MRPL58: variants seen among roughly 807,000 people sequenced by gnomAD.
MRPL58 encodes the protein large ribosomal subunit protein mL62.
In MRPL58, 17 loss-of-function variants were observed where a neutral mutation model predicts 26.0. That is an observed-to-expected ratio of 0.65 (90% CI 0.45 to 0.98). The LOEUF (loss-of-function observed/expected upper bound fraction) is 0.98, where lower values mean the gene tolerates loss of function less well. Ranked by LOEUF, MRPL58 falls within the 50% of genes least tolerant of loss-of-function variation. The probability of loss-of-function intolerance (pLI) is 0.00; values close to 1 mark genes in which losing one functional copy is unlikely to be tolerated. For synonymous variants in MRPL58, 100 were observed against 99.7 expected (o/e 1.00, Z -0.02); for missense variants, 250 against 269.0 (o/e 0.93, Z 0.49).
At chr17:75,014,958 AG>A (rs2039962672) in intron 1 of MRPL58, among the ~76,000 whole-genome samples, 1 of 152,246 alleles carries the variant, frequency 6.6e-6, no homozygotes, top group South Asian at 2.1e-4. Context: ...AGGAGCAGAC[AG>A]TAAACAAATA....
chr17:75,020,622 G>C lies in MRPL58; in HGVS notation c.501G>C (p.Glu167Asp), dbSNP rs770037153. 6.2e-7 allele frequency: 1 copy of C among 1,614,042 alleles called. No homozygotes were observed. The highest frequency in any genetic ancestry group is 1.3e-5 in the African/African-American group (1 of 74,910). The change falls in exon 5 of 6, where the codon GAG becomes GAC. Residue 167 changes from glutamate (E) to aspartate (D), a missense_variant. By Grantham distance (45) the Glu-to-Asp change is conservative. Coordinates refer to ENST00000301585, the MANE Select transcript of MRPL58 (RefSeq NM_001545.3). The stretch of plus-strand genomic sequence containing the variant: ...CTGAGGCCAGCCAGACACCGAAGGA[G>C]CCAACAAAAGAAGATGTTAAACTTC... ...MITEASQTPK[E>D]PTKEDVKLHR... is the part of the protein sequence containing the mutation.
Position 75,020,587 on chromosome 17 carries a change from G to T in MRPL58, c.466G>T (p.Asp156Tyr). ...GGCAGATTGCCTGCAGAAAATTCGAGACATGATCACTGAGGCCAGCCAGAC... is the reference window on the plus strand; with the variant it reads ...GGCAGATTGCCTGCAGAAAATTCGATACATGATCACTGAGGCCAGCCAGAC... ...NLADCLQKIR[D>Y]MITEASQTPK... The change falls in exon 5 of 6, where the codon GAC (aspartate) becomes TAC (tyrosine). Residue 156 changes from aspartate (D) to tyrosine (Y), a missense_variant. Transcript: ENST00000301585. 6.2e-7 allele frequency: 1 copy of T among 1,614,120 alleles called. No homozygotes were observed. The highest frequency in any genetic ancestry group is 8.5e-7 in the Non-Finnish European group (1 of 1,180,026).
At chr17:75,015,048 T>G (rs2039963178) in intron 1 of MRPL58, among the ~76,000 whole-genome samples, 2 of 152,098 alleles carry the variant, frequency 1.3e-5, no homozygotes, top group Non-Finnish European at 2.9e-5. Flanking sequence ...TACCTCAGAT[T>G]ATTAGTAAGG....
intron 5 of MRPL58, 63 bp from the exon 6 acceptor site, chr17:75,020,858 T>C (rs2040012312): frequency 7.1e-7 from 1 of 1,408,616 alleles, no homozygotes; most frequent in Non-Finnish European, 1.0e-6. Flanking sequence ...TCCCAACTCC[T>C]CTCACCACTT....
At chr17:75,020,795 C>T (rs939335196) in intron 5 of MRPL58, 126 bp from the exon 6 acceptor site, 16 of 1,215,446 alleles carry the variant, frequency 1.3e-5, no homozygotes, top group East Asian at 7.0e-5. Flanking sequence ...GACCTGGGAC[C>T]GAGGCCTGCG....
Position 75,012,822 on chromosome 17 carries a change from G to C in MRPL58, c.136G>C (p.Asp46His), listed in dbSNP as rs762091471. ...TGAGTTCAAGAGCATCTACAGCCTG[G>C]ACAAGCTCTACCCCGAATCTCAGGG... ...GTEFKSIYSL[D>H]KLYPESQGSD... is the part of the protein sequence containing the mutation. Residue 46 changes from aspartate to histidine, a missense_variant, in exon 1 of 6, where the codon GAC becomes CAC. By Grantham distance (81) the Asp-to-His change is moderately conservative. Transcript: ENST00000301585. 5 of 1,612,670 alleles carry C rather than the reference G, an allele frequency of 3.1e-6. No individual in the cohort carries two copies. The highest frequency in any genetic ancestry group is 3.4e-6 in the Non-Finnish European group (4 of 1,179,678).
intron 1 of MRPL58, among the ~76,000 whole-genome samples, chr17:75,013,737 G>A (rs1304940527): frequency 1.3e-5 from 2 of 152,168 alleles, no homozygotes; most frequent in African/African-American, 4.8e-5. Flanking sequence ...AATAGGGGGC[G>A]GATGAGCATC....
chr17:75,015,344 C>T (rs1415070686), intron 1 of MRPL58, among the ~76,000 whole-genome samples: 2 of 152,100 alleles, frequency 1.3e-5, no homozygotes, highest in East Asian at 3.9e-4. Flanking sequence ...ATTAGTCGGG[C>T]GTGGTGGCAC....
At position 75,017,066 on chromosome 17, in the gene MRPL58, A is replaced by T; in HGVS notation, c.187-12A>T. ...GTAATATTTATTTGACACTGTGTAC[A>T]TTACATTACAGAATGGTGCAAAGCA... On this transcript the variant is annotated splice_polypyrimidine_tract_variant and intron_variant, in intron 1 of 5. Coordinates refer to ENST00000301585, the MANE Select transcript of MRPL58 (RefSeq NM_001545.3). The T allele has an allele frequency of 6.2e-7, 1 of 1,607,788 alleles. No individual in the cohort carries two copies. The highest frequency in any genetic ancestry group is 8.5e-7 in the Non-Finnish European group (1 of 1,174,136).
At position 75,021,063 on chromosome 17, in the gene MRPL58, G is replaced by A; in HGVS notation, c.*58G>A. Reference sequence around the variant, plus strand: ...GGCGTCCGGGCAGCTGCAGCTGAGAGGACTTTCACACCATAAGGAGATTTC... The same window carrying A: ...GGCGTCCGGGCAGCTGCAGCTGAGAAGACTTTCACACCATAAGGAGATTTC... On this transcript the variant is annotated 3_prime_UTR_variant, in exon 6 of 6. Transcript: ENST00000301585. 9.2e-7 allele frequency: 1 copy of A among 1,081,250 alleles called. No individual in the cohort carries two copies. Among genetic ancestry groups the A allele is most frequent in the Non-Finnish European group, 1.4e-6 (1 of 694,414 alleles). The allele number at this position is 1,081,250 out of a possible 1,614,324, so 67.0% of individuals were successfully genotyped here. A position where few individuals can be genotyped will look rare whatever the true frequency, so the allele number is the denominator to read the frequency against.
Position 75,014,178 on chromosome 17 carries a change from CCT to C in MRPL58, c.186+1307_186+1308del, listed in dbSNP as rs768152470. 8.0e-3 allele frequency among the ~76,000 whole-genome samples: 1,010 copies of C among 126,678 alleles called. 2 individuals are homozygous for C. The highest frequency in any genetic ancestry group is 0.013 in the Non-Finnish European group (815 of 60,908). The allele number at this position is 126,678 out of a possible 152,430, so 83.1% of individuals were successfully genotyped here. On this transcript the variant is annotated intron_variant, in intron 1 of 5. Coordinates refer to ENST00000301585, the MANE Select transcript of MRPL58 (RefSeq NM_001545.3). ...ATAAAAGAGGAATTGAAGTCTGGGG[CCT>C]TTTTTTTTTTTTTTTTTTTTTTTGA...
intron 2 of MRPL58, among the ~76,000 whole-genome samples, chr17:75,017,794 G>T (rs2039984684): frequency 6.6e-6 from 1 of 151,302 alleles, no homozygotes; most frequent in African/African-American, 2.4e-5. Context: ...TGTGGTGGTG[G>T]GCGCCTGTGA....
rs1453883413 is a variant in MRPL58, at chr17:75,020,940, G to A, written c.556G>A (p.Glu186Lys). 6.2e-7 allele frequency: 1 copy of A among 1,613,850 alleles called. No individual in the cohort carries two copies. Among genetic ancestry groups the A allele is most frequent in the South Asian group, 1.1e-5 (1 of 91,078 alleles). Residue 186 changes from glutamate to lysine, a missense_variant, in exon 6 of 6, where the codon GAA becomes AAA. Glu to Lys is a moderately conservative substitution (Grantham distance 56). Coordinates refer to ENST00000301585, the MANE Select transcript of MRPL58 (RefSeq NM_001545.3). ...TTTCAGGATAGAAAACATGAATCGG[G>A]AAAGGCTGAGACAAAAGAGAATTCA... Reference protein sequence around the residue: ...HRIRIENMNRERLRQKRIHSA... With the variant: ...HRIRIENMNRKRLRQKRIHSA...
chr17:75,018,609 A>C (rs2039992445), intron 2 of MRPL58: 1 of 152,098 alleles, frequency 6.6e-6, no homozygotes, highest in Admixed American at 6.6e-5. Flanking sequence ...TCTGAAAGGA[A>C]CACCCTGGAT....
chr17:75,014,636 G>A (rs2144881543), intron 1 of MRPL58, among the ~76,000 whole-genome samples: 1 of 151,910 alleles, frequency 6.6e-6, no homozygotes, highest in Admixed American at 6.6e-5. Flanking sequence ...AGTAGAGACA[G>A]GGTTTTCACC....
At chr17:75,018,492 A>G (rs1423842998) in intron 2 of MRPL58, 2 of 152,220 alleles carry the variant, frequency 1.3e-5, no homozygotes, top group Admixed American at 6.5e-5. Flanking sequence ...TCAGCCTCCC[A>G]AAGTGCTGGG....
Position 75,021,138 on chromosome 17 carries a change from C to T in MRPL58, c.*133C>T. 1.6e-6 allele frequency: 1 copy of T among 642,260 alleles called. No homozygotes were observed. Among genetic ancestry groups the T allele is most frequent in the African/African-American group, 1.8e-5 (1 of 54,496 alleles). The allele number at this position is 642,260 out of a possible 1,614,324, so 39.8% of individuals were successfully genotyped here. A position where few individuals can be genotyped will look rare whatever the true frequency, so the allele number is the denominator to read the frequency against. On this transcript the variant is annotated 3_prime_UTR_variant, in exon 6 of 6. Coordinates refer to ENST00000301585, the MANE Select transcript of MRPL58 (RefSeq NM_001545.3). ...CTTGTCTATAACATTGGAGCCATCA[C>T]AAGAATGTTCATTTGGAATGAAGGC...
Position 75,012,736 on chromosome 17 carries a change from G to A in MRPL58, c.50G>A (p.Trp17Ter). The A allele has an allele frequency of 6.3e-7, 1 of 1,583,158 alleles. No individual in the cohort carries two copies. ...TGGGGCCTGAGCCGAGCCGGAGTCT[G>A]GCTGCTCCCACCGCCCGCACGGTGC... Reference protein sequence around the residue: ...LRWGLSRAGVWLLPPPARCPR... With the variant: ...LRWGLSRAGV Residue 17 changes from tryptophan (W) to a stop codon, truncating the protein, a stop_gained, in exon 1 of 6, where the codon TGG becomes TAG. Transcript: ENST00000301585. LOFTEE classifies it high-confidence loss of function.
intron 3 of MRPL58, 23 bp downstream of exon 3, chr17:75,019,782 C>G (rs768048222): frequency 1.9e-6 from 3 of 1,576,864 alleles, no homozygotes; most frequent in African/African-American, 2.7e-5. Flanking sequence ...TTGTTGCTTT[C>G]TTTTGCTTTA....
Sources: gnomAD v4.1 joint callset for allele counts (sites outside exome capture counted in the v4.1 genomes callset) on GRCh38, gnomAD v4.1.1 for gene constraint, MANE v1.5 for transcripts, NCBI Gene and HGNC (gene_info 2026-07-23, HGNC 2026-07-21) for gene names.